The following EXD1 variants were observed in gnomAD, a reference collection of about 807,000 sequenced individuals.
The protein encoded by EXD1 is exonuclease 3'-5' domain containing 1, also known as piRNA biogenesis protein EXD1.
Under a neutral mutation model 49.1 loss-of-function variants are expected in EXD1, and 63 were observed. That is an observed-to-expected ratio of 1.28 (90% CI 1.05 to 1.58). The LOEUF is 1.58. EXD1 is among the 40% of genes most tolerant of loss of function. The probability of loss-of-function intolerance (pLI) is 0.00; values close to 1 mark genes in which losing one functional copy is unlikely to be tolerated. For missense variants in EXD1, 748 were observed against 666.0 expected (o/e 1.12, Z -1.36); for synonymous variants, 234 against 239.2 (o/e 0.98, Z 0.20).
At chr15:41,211,897 G>A (rs2046926806) in intron 6 of EXD1, among the ~76,000 whole-genome samples, 1 of 151,914 alleles carries the variant, frequency 6.6e-6, no homozygotes, top group African/African-American at 2.4e-5. Flanking sequence ...CTAGGAGGTG[G>A]AGGTTGCAGT....
chr15:41,217,529 CTT>C (rs3033817), intron 3 of EXD1, among the ~76,000 whole-genome samples: 14 of 127,110 alleles, frequency 1.1e-4, no homozygotes, highest in Non-Finnish European at 1.1e-4. Flanking sequence ...GAGGGTTTTC[CTT>C]TTTTTTTTTT....
At position 41,183,749 on chromosome 15, in the gene EXD1, T is replaced by C. The variant is rs986905354; in HGVS notation, c.*182A>G. On this transcript the variant is annotated 3_prime_UTR_variant, in exon 12 of 12. Coordinates refer to ENST00000458580, the MANE Select transcript of EXD1 (RefSeq NM_001286441.2). The stretch of plus-strand genomic sequence containing the variant: ...ATCAGAAATTATACTTCTTCCATTA[T>C]TTAACTTATTCATTCTCATTCTCCG... The C allele has an allele frequency of 1.1e-4, 58 of 532,092 alleles. No homozygotes were observed. Among genetic ancestry groups the C allele is most frequent in the Non-Finnish European group, 1.1e-4 (33 of 310,440 alleles). The allele number at this position is 532,092 out of a possible 1,614,324, so 33.0% of individuals were successfully genotyped here.
At chr15:41,224,271 T>G (rs1459021828) in intron 2 of EXD1, among the ~76,000 whole-genome samples, 1 of 152,138 alleles carries the variant, frequency 6.6e-6, no homozygotes, top group African/African-American at 2.4e-5. Context: ...AGGAACCACC[T>G]TATTTCTGTA....
At chr15:41,202,284 C>T (rs1312337454) in intron 7 of EXD1, among the ~76,000 whole-genome samples, 2 of 151,926 alleles carry the variant, frequency 1.3e-5, no homozygotes, top group Non-Finnish European at 2.9e-5. Context: ...AAGTAATTCT[C>T]GTGCCTCAGC....
intron 6 of EXD1, among the ~76,000 whole-genome samples, chr15:41,214,620 C>G (rs531772045): frequency 1.7e-4 from 26 of 152,308 alleles, no homozygotes; most frequent in African/African-American, 6.3e-4. Context: ...CCTCCTGCCC[C>G]CTTCCATCTC....
In EXD1 at chr15:41,183,854, A is replaced by C; in HGVS notation, c.*77T>G. On this transcript the variant is annotated 3_prime_UTR_variant, in exon 12 of 12. Transcript: ENST00000458580. ...GCATTACTACATTTACAACATGAGA[A>C]ACCTGGGCACTGTGGAAAGCCCTGA... 7.1e-7 allele frequency: 1 copy of C among 1,407,286 alleles called. No homozygotes were observed. The highest frequency in any genetic ancestry group is 9.6e-7 in the Non-Finnish European group (1 of 1,039,820). 87.2% of individuals were successfully genotyped at this position (1,407,286 alleles called of 1,614,324 possible). A position where few individuals can be genotyped will look rare whatever the true frequency, so the allele number is the denominator to read the frequency against.
chr15:41,198,987 T>G (rs949624999), intron 7 of EXD1, among the ~76,000 whole-genome samples: 1 of 149,998 alleles, frequency 6.7e-6, no homozygotes, highest in Non-Finnish European at 1.5e-5. Context: ...TTTTGGAGAT[T>G]GAGTCTTAAT....
At chr15:41,209,148 G>A (rs1489468548) in intron 7 of EXD1, among the ~76,000 whole-genome samples, 3 of 152,168 alleles carry the variant, frequency 2.0e-5, no homozygotes, top group Non-Finnish European at 4.4e-5. Context: ...AGTGAGCCAG[G>A]TGCAGTGGCC....
Position 41,190,128 on chromosome 15 carries a change from C to T in EXD1, c.865G>A (p.Glu289Lys). 25 of 1,614,020 alleles carry T rather than the reference C, an allele frequency of 1.5e-5. No individual in the cohort carries two copies. Among genetic ancestry groups the T allele is most frequent in the Middle Eastern group, 1.6e-4 (1 of 6,062 alleles). Residue 289 changes from glutamate to lysine, a missense_variant and splice_region_variant, in exon 11 of 12, where the codon GAA (glutamate) becomes AAA (lysine). By Grantham distance (56) the Glu-to-Lys change is moderately conservative. Coordinates refer to ENST00000458580, the MANE Select transcript of EXD1 (RefSeq NM_001286441.2). ...FLEKRQKLIQ[E>K]NPEVWFIRPV... ...CGGATGAACCATACTTCTGGATTTT[C>T]CTGGAGACAATAAAACAATTTCCTC... is the stretch of plus-strand genomic sequence containing the variant.
chr15:41,229,839 G>A (rs545151995), intron 1 of EXD1, among the ~76,000 whole-genome samples: 1 of 152,162 alleles, frequency 6.6e-6, no homozygotes, highest in Non-Finnish European at 1.5e-5. Context: ...TGCAGGGAAC[G>A]TGTGGGGCCT....
intron 7 of EXD1, among the ~76,000 whole-genome samples, chr15:41,202,023 A>G (rs1437198847): frequency 6.6e-6 from 1 of 151,918 alleles, no homozygotes; most frequent in Non-Finnish European, 1.5e-5. Flanking sequence ...TTAAAACAAA[A>G]CATCCAAATG....
intron 7 of EXD1, among the ~76,000 whole-genome samples, chr15:41,204,795 T>C (rs2046797498): frequency 6.6e-6 from 1 of 151,940 alleles, no homozygotes; most frequent in South Asian, 2.1e-4. Flanking sequence ...CACACACATA[T>C]AGATAAAACT....
chr15:41,196,910 CA>C (rs1390987134), intron 7 of EXD1, among the ~76,000 whole-genome samples: 1 of 152,104 alleles, frequency 6.6e-6, no homozygotes, highest in Non-Finnish European at 1.5e-5. Context: ...ACTGCAAATT[CA>C]ACCACCCAGG....
intron 6 of EXD1, among the ~76,000 whole-genome samples, chr15:41,213,222 G>C (rs2046948813): frequency 6.7e-6 from 1 of 150,168 alleles, no homozygotes; most frequent in Non-Finnish European, 1.5e-5. Flanking sequence ...TTTTTTTTGA[G>C]ATAGAGTCTC....
At chr15:41,223,428 T>A (rs549507814) in intron 2 of EXD1, among the ~76,000 whole-genome samples, 13 of 147,272 alleles carry the variant, frequency 8.8e-5, no homozygotes, top group Admixed American at 4.1e-4. Context: ...TCAAAAAAAA[T>A]TTTTTTTCGG....
At chr15:41,211,795 TAA>T (rs57945609) in intron 6 of EXD1, among the ~76,000 whole-genome samples, 11 of 119,564 alleles carry the variant, frequency 9.2e-5, no homozygotes, top group Non-Finnish European at 8.6e-5. Flanking sequence ...CCTCATTTCT[TAA>T]AAAAAAAAAA....
At chr15:41,213,639 C>T (rs566342607) in intron 6 of EXD1, among the ~76,000 whole-genome samples, 2 of 152,182 alleles carry the variant, frequency 1.3e-5, no homozygotes, top group African/African-American at 4.8e-5. Context: ...ACTGGGATTA[C>T]AAGTGCCCAC....
intron 9 of EXD1, among the ~76,000 whole-genome samples, chr15:41,194,175 C>T (rs2046575357): frequency 1.3e-5 from 2 of 151,812 alleles, no homozygotes; most frequent in South Asian, 4.2e-4. Flanking sequence ...CCATGCCCGG[C>T]TAATTTTTTG....
Position 41,185,581 on chromosome 15 carries a change from A to C in EXD1, c.1057-988T>G, listed in dbSNP as rs573757924. Among the ~76,000 whole-genome samples the C allele has an allele frequency of 9.9e-5, 15 of 152,130 alleles. No homozygotes were observed. In the South Asian group the frequency reaches 3.1e-3, roughly 32 times the overall value. On this transcript the variant is annotated intron_variant, in intron 11 of 11. Transcript: ENST00000458580. ...CAGGCTGAAGTACAGTGGTGTGATC[A>C]TGGCTTACTGCAATCTCCACCTCCT...
Sources: gnomAD v4.1 joint callset for allele counts (sites outside exome capture counted in the v4.1 genomes callset) on GRCh38, gnomAD v4.1.1 for gene constraint, MANE v1.5 for transcripts, NCBI Gene and HGNC (gene_info 2026-07-23, HGNC 2026-07-21) for gene names.